RGS12: variants seen among roughly 807,000 people sequenced by gnomAD.
The protein encoded by RGS12 is regulator of G-protein signaling 12.
A neutral mutation model predicts 120.1 loss-of-function variants in RGS12; 66 were observed. The observed-to-expected ratio is 0.55, with a 90% CI of 0.45 to 0.67. RGS12 has a LOEUF of 0.67. Ranked by LOEUF, RGS12 falls within the 30% of genes least tolerant of loss-of-function variation. RGS12 has a pLI of 0.00. For synonymous variants in RGS12, 827 were observed against 804.7 expected, an observed-to-expected ratio of 1.03 and a Z score of -0.47; for missense variants, 1,859 against 1,957.7, an observed-to-expected ratio of 0.95 and a Z score of 0.95.
intron 3 of RGS12, among the ~76,000 whole-genome samples, chr4:3,380,082 A>G (rs990016425): frequency 6.6e-6 from 1 of 152,328 alleles, no homozygotes; most frequent in African/African-American, 2.4e-5. Flanking sequence ...CCAGGATACA[A>G]TCGGATTACA....
chr4:3,412,608 G>T (rs950596045), intron 4 of RGS12, among the ~76,000 whole-genome samples: 3 of 152,272 alleles, frequency 2.0e-5, no homozygotes. Flanking sequence ...ACAGGAGGCT[G>T]GTGAAGGGGC....
At chr4:3,371,968 T>G (rs950040415) in intron 3 of RGS12, among the ~76,000 whole-genome samples, 1 of 152,088 alleles carries the variant, frequency 6.6e-6, no homozygotes, top group Non-Finnish European at 1.5e-5. Context: ...GGATTTCCAC[T>G]TGGAGAGAAT....
chr4:3,415,863 T>G, intron 6 of RGS12, 115 bp from the exon 7 acceptor site: 1 of 1,085,390 alleles, frequency 9.2e-7, no homozygotes, highest in Non-Finnish European at 1.3e-6. Context: ...CAAGAGGTAT[T>G]TACTGGGGCC....
At chr4:3,360,786 G>A (rs1715479121) in intron 3 of RGS12, among the ~76,000 whole-genome samples, 1 of 152,184 alleles carries the variant, frequency 6.6e-6, no homozygotes, top group Non-Finnish European at 1.5e-5. Context: ...AGAGGACAGT[G>A]CGGCTAACCC....
intron 3 of RGS12, among the ~76,000 whole-genome samples, chr4:3,355,827 AG>A (rs1560108677): frequency 3.3e-5 from 5 of 151,422 alleles, no homozygotes; most frequent in African/African-American, 1.2e-4. Context: ...GGAAAAAAGA[AG>A]AAAAAGAAAT....
In RGS12 at chr4:3,390,980, T is replaced by TA. The variant is rs1719435542; in HGVS notation, c.2020+4544dup. Reference sequence around the variant, plus strand: ...GCTTGAGAGTAGAACCATCAGTACTTACATAGAATTAGTTGATAAATTTAC... The same window carrying TA: ...GCTTGAGAGTAGAACCATCAGTACTTAACATAGAATTAGTTGATAAATTTAC... On this transcript the variant is annotated intron_variant, in intron 4 of 17. Transcript: ENST00000336727. The surrounding 1 kb of genome is among the most constrained non-coding windows in gnomAD (Gnocchi z 4.6). 6.6e-6 allele frequency among the ~76,000 whole-genome samples: 1 copy of TA among 152,238 alleles called. No individual in the cohort carries two copies. The highest frequency in any genetic ancestry group is 2.1e-4 in the South Asian group (1 of 4,832).
intron 3 of RGS12, among the ~76,000 whole-genome samples, chr4:3,382,920 C>G (rs2108949901): frequency 6.6e-6 from 1 of 152,258 alleles, no homozygotes; most frequent in African/African-American, 2.4e-5. Flanking sequence ...TTAGATTGTT[C>G]CCATGTCTGA....
rs943599275 is a variant in RGS12, at chr4:3,433,574, G to A, written c.4114+2619G>A. 2.0e-5 allele frequency among the ~76,000 whole-genome samples: 3 copies of A among 148,070 alleles called. No homozygotes were observed. Among genetic ancestry groups the A allele is most frequent in the Non-Finnish European group, 3.0e-5 (2 of 67,228 alleles). On this transcript the variant is annotated intron_variant, in intron 17 of 17. Coordinates refer to ENST00000336727, the MANE Select transcript of RGS12 (RefSeq NM_001394154.1). The surrounding 1 kb of genome is among the most constrained non-coding windows in gnomAD (Gnocchi z 4.4). ...CACCCCATCCTAGCCCCAGCACCACGTGCCATGCCACCCTGTCCTAGCCCC... is the reference window on the plus strand; with the variant it reads ...CACCCCATCCTAGCCCCAGCACCACATGCCATGCCACCCTGTCCTAGCCCC...
rs537353627 is a variant in RGS12 at position 3,374,705 on chromosome 4, C to G, written c.1999-11711C>G. On this transcript the variant is annotated intron_variant, in intron 3 of 17. Coordinates refer to ENST00000336727, the MANE Select transcript of RGS12 (RefSeq NM_001394154.1). This position sits in a 1 kb window ranked among gnomAD's most constrained non-coding sequence, Gnocchi z 6.3. ...GGCCTTCAAAATCCCTGAGTTTACA[C>G]TTTCTCACCCCCATTGCTGCAGCCT... 1.3e-5 allele frequency among the ~76,000 whole-genome samples: 2 copies of G among 152,024 alleles called. No individual in the cohort carries two copies. The highest frequency in any genetic ancestry group is 4.8e-5 in the African/African-American group (2 of 41,388).
chr4:3,381,121 A>T (rs1718217196), intron 3 of RGS12, among the ~76,000 whole-genome samples: 2 of 152,202 alleles, frequency 1.3e-5, no homozygotes, highest in African/African-American at 4.8e-5. Flanking sequence ...ACAAAGTGCC[A>T]TCAGTCTCTT....
chr4:3,309,484 G>T (rs367949573), intron 1 of RGS12, among the ~76,000 whole-genome samples: 115 of 89,456 alleles, frequency 1.3e-3, no homozygotes, highest in Non-Finnish European at 1.6e-3. Context: ...GGAACCGTGT[G>T]GGGGAGGAGC....
In RGS12 at chr4:3,422,359, G is replaced by A. The variant is rs1266535478; in HGVS notation, c.2839-17G>A. The A allele has an allele frequency of 1.9e-6, 3 of 1,603,256 alleles. No individual in the cohort carries two copies. The highest frequency in any genetic ancestry group is 2.6e-6 in the Non-Finnish European group (3 of 1,174,758). On this transcript the variant is annotated splice_polypyrimidine_tract_variant and intron_variant, in intron 10 of 17. Coordinates refer to ENST00000336727, the MANE Select transcript of RGS12 (RefSeq NM_001394154.1). ...GACGCTGGTTCCCTCACGGCTGCTT[G>A]TCTCGCTGCTCCCCAGTCGGAGGCC...
chr4:3,416,159 C>T (rs756523179), intron 7 of RGS12, 38 bp downstream of exon 7: 2 of 1,610,580 alleles, frequency 1.2e-6, no homozygotes, highest in Admixed American at 3.3e-5. Flanking sequence ...GGAGTCCAGG[C>T]TAGGGCTCGG....
Position 3,430,826 on chromosome 4 carries a change from A to G in RGS12, c.3985A>G (p.Ile1329Val), listed in dbSNP as rs201649410. 2 of 1,611,792 alleles carry G rather than the reference A, an allele frequency of 1.2e-6. No homozygotes were observed. The highest frequency in any genetic ancestry group is 1.3e-5 in the African/African-American group (1 of 74,904). The change falls in exon 17 of 18, where the codon ATC becomes GTC. Residue 1329 changes from isoleucine (I) to valine (V), a missense_variant. Around this residue, in one of 3 missense-constraint regions of RGS12, gnomAD observed 517 missense variants for 488.5 expected, o/e 1.06. Transcript: ENST00000336727. ...GTCTCAGGAAGTGGAGGCCGGGGGC[A>G]TCCAGACGGTGGAGGATGAGCACGT... ...RQSQEVEAGG[I>V]QTVEDEHVAE...
chr4:3,338,996 G>A (rs1448890265), intron 2 of RGS12, among the ~76,000 whole-genome samples: 1 of 152,168 alleles, frequency 6.6e-6, no homozygotes, highest in African/African-American at 2.4e-5. Flanking sequence ...ATCTGTTACT[G>A]GCCCTCGTTC....
chr4:3,354,159 C>T (rs1360413082), intron 3 of RGS12, among the ~76,000 whole-genome samples: 2 of 152,128 alleles, frequency 1.3e-5, no homozygotes, highest in African/African-American at 4.8e-5. Flanking sequence ...TTAAGCAATA[C>T]CCTTGCTGGC....
intron 2 of RGS12, among the ~76,000 whole-genome samples, chr4:3,318,358 A>G (rs918064567): frequency 1.1e-4 from 17 of 152,142 alleles, no homozygotes; most frequent in African/African-American, 3.9e-4. Context: ...GCTCAGGATA[A>G]GGCCCTTCCT....
At chr4:3,362,817 G>T (rs1266268776) in intron 3 of RGS12, among the ~76,000 whole-genome samples, 1 of 144,668 alleles carries the variant, frequency 6.9e-6, no homozygotes, top group African/African-American at 2.8e-5. Context: ...GAGTGAGGGT[G>T]TGTCAGTGTG....
At chr4:3,420,576 G>A (rs1722901644) in intron 9 of RGS12, 66 bp from the exon 10 acceptor site, 1 of 1,526,022 alleles carries the variant, frequency 6.6e-7, no homozygotes, top group African/African-American at 1.4e-5. Flanking sequence ...GGGGCAGAGG[G>A]TTGGGAGATG....
Sources: gnomAD v4.1 joint callset for allele counts (sites outside exome capture counted in the v4.1 genomes callset) on GRCh38, gnomAD v4.1.1 for gene constraint, gnomAD v4.1.1 regional missense constraint, Gnocchi (gnomAD v3.1) non-coding constraint, MANE v1.5 for transcripts, NCBI Gene and HGNC (gene_info 2026-07-23, HGNC 2026-07-21) for gene names.